Variants in CTNNA3 observed in about 807,000 individuals in gnomAD.
CTNNA3 encodes the protein catenin alpha-3.
A neutral mutation model predicts 95.7 loss-of-function variants in CTNNA3; 76 were observed. The ratio of observed to expected loss-of-function variants is 0.79; its 90% CI spans 0.66 to 0.96. CTNNA3 has a LOEUF of 0.96. CTNNA3 is among the 40% of genes least tolerant of loss of function. The pLI, the probability that CTNNA3 is intolerant of heterozygous loss-of-function variation, is 0.00. For missense variants in CTNNA3, 1,191 were observed against 1,089.8 expected (o/e 1.09, Z -1.31); for synonymous variants, 431 against 374.4 (o/e 1.15, Z -1.74).
At chr10:67,385,584 T>A (rs763486834) in intron 5 of CTNNA3, among the ~76,000 whole-genome samples, 1 of 152,192 alleles carries the variant, frequency 6.6e-6, no homozygotes, top group Non-Finnish European at 1.5e-5. Flanking sequence ...TCTATATGTG[T>A]ATAGTTAAAA....
chr10:66,377,571 G>A (rs1485171742), intron 12 of CTNNA3, among the ~76,000 whole-genome samples: 2 of 151,746 alleles, frequency 1.3e-5, no homozygotes, highest in Non-Finnish European at 2.9e-5. Context: ...AGACTAACAC[G>A]ATTATAAAAC....
In CTNNA3 at chr10:67,114,117, G is replaced by GA. The variant is rs996851448; in HGVS notation, c.1047+66199dup. On this transcript the variant is annotated intron_variant, in intron 7 of 17. Coordinates refer to ENST00000433211, the MANE Select transcript of CTNNA3 (RefSeq NM_013266.4). ...AAAACAGATATTAGATGCAAGAAAA[G>GA]AAAAAAAATTAATGTATATCAAAAT... 1.5e-4 allele frequency among the ~76,000 whole-genome samples: 22 copies of GA among 151,250 alleles called. No homozygotes were observed. The South Asian group carries it at 4.0e-3, about 27-fold the overall frequency.
intron 15 of CTNNA3, among the ~76,000 whole-genome samples, chr10:66,011,682 C>G (rs1343765195): frequency 6.6e-6 from 1 of 152,068 alleles, no homozygotes; most frequent in Non-Finnish European, 1.5e-5. Flanking sequence ...CCTGGCACTT[C>G]TAATTCTTGT....
At chr10:67,392,921 C>A (rs1844561854) in intron 5 of CTNNA3, among the ~76,000 whole-genome samples, 1 of 151,938 alleles carries the variant, frequency 6.6e-6, no homozygotes, top group Non-Finnish European at 1.5e-5. Flanking sequence ...TGGGGGGAAG[C>A]AGGAGGGATA....
At chr10:66,448,915 C>G (rs909625947) in intron 11 of CTNNA3, among the ~76,000 whole-genome samples, 2 of 151,518 alleles carry the variant, frequency 1.3e-5, no homozygotes, top group Non-Finnish European at 2.9e-5. Context: ...TTTTATATTC[C>G]TCATATTTGG....
rs531675393 is a variant in CTNNA3, at chr10:66,456,150, A to T, written c.1531+64467T>A. ...TAGATTTATTGAAATTCCAAACAAA[A>T]TCCCAGCAGAACTTTATAGATATAG... On this transcript the variant is annotated intron_variant, in intron 11 of 17. Transcript: ENST00000433211. Among the ~76,000 whole-genome samples, 514 of 152,296 alleles carry T rather than the reference A, an allele frequency of 3.4e-3. 1 individual carries two copies. Among genetic ancestry groups the T allele is most frequent in the African/African-American group, 1.0e-2 (415 of 41,570 alleles).
intron 17 of CTNNA3, among the ~76,000 whole-genome samples, chr10:65,949,828 G>A (rs1786921): frequency 0.75 from 114,236 of 151,848 alleles, 43,422 homozygotes; most frequent in Middle Eastern, 0.88. Context: ...TTATCCAGAA[G>A]AAGGAGCAGC....
chr10:67,343,573 G>T (rs1842298882), intron 5 of CTNNA3, among the ~76,000 whole-genome samples: 1 of 152,078 alleles, frequency 6.6e-6, no homozygotes, highest in Admixed American at 6.6e-5. Context: ...TTGGCATATA[G>T]AAATGCTACT....
intron 1 of CTNNA3, among the ~76,000 whole-genome samples, chr10:67,663,489 A>T (rs992913077): frequency 6.6e-6 from 1 of 152,026 alleles, no homozygotes; most frequent in African/African-American, 2.4e-5. Context: ...GCTGAGCCTC[A>T]GGTGGGTCTC....
chr10:66,092,814 A>G (rs891041722), intron 14 of CTNNA3, among the ~76,000 whole-genome samples: 2 of 151,982 alleles, frequency 1.3e-5, no homozygotes, highest in East Asian at 3.8e-4. Flanking sequence ...AATTGTTGCA[A>G]AAATATACTT....
At chr10:66,256,246 G>A (rs10159485) in intron 13 of CTNNA3, among the ~76,000 whole-genome samples, 67,948 of 151,988 alleles carry the variant, frequency 0.45, 16,339 homozygotes, top group African/African-American at 0.63. Flanking sequence ...GCAAAAATAT[G>A]CAAATTTAGA....
At chr10:67,150,654 C>A (rs1404942103) in intron 7 of CTNNA3, among the ~76,000 whole-genome samples, 1 of 152,160 alleles carries the variant, frequency 6.6e-6, no homozygotes, top group Non-Finnish European at 1.5e-5. Flanking sequence ...TCTTCAACAG[C>A]TGTAAGAACA....
At chr10:67,442,089 T>C (rs1230631539) in intron 5 of CTNNA3, among the ~76,000 whole-genome samples, 1 of 152,164 alleles carries the variant, frequency 6.6e-6, no homozygotes, top group Non-Finnish European at 1.5e-5. Flanking sequence ...AGTTAAAGTG[T>C]AGAGTTTTTA....
At chr10:67,433,398 TA>T (rs1846183003) in intron 5 of CTNNA3, among the ~76,000 whole-genome samples, 1 of 152,052 alleles carries the variant, frequency 6.6e-6, no homozygotes, top group South Asian at 2.1e-4. Context: ...AATGTAATAA[TA>T]ATGAAAAATT....
intron 5 of CTNNA3, among the ~76,000 whole-genome samples, chr10:67,307,462 A>T (rs1564553161): frequency 6.6e-6 from 1 of 151,904 alleles, no homozygotes; most frequent in Non-Finnish European, 1.5e-5. Context: ...GCTACTGATT[A>T]ATTGTTTGTT....
chr10:65,951,621 C>CT (rs1168321784), intron 17 of CTNNA3, among the ~76,000 whole-genome samples: 3 of 152,112 alleles, frequency 2.0e-5, no homozygotes, highest in Admixed American at 6.6e-5. Flanking sequence ...ATACCACCCA[C>CT]TCCTCTCCTA....
intron 5 of CTNNA3, among the ~76,000 whole-genome samples, chr10:67,347,076 T>A (rs1842448699): frequency 6.6e-6 from 1 of 151,970 alleles, no homozygotes; most frequent in Admixed American, 6.6e-5. Flanking sequence ...TTTTTTTTTT[T>A]TTTGAGACAG....
At chr10:67,231,628 C>T (rs1025748942) in intron 5 of CTNNA3, among the ~76,000 whole-genome samples, 2 of 152,032 alleles carry the variant, frequency 1.3e-5, no homozygotes, top group African/African-American at 4.8e-5. Flanking sequence ...CTCTCCTCCT[C>T]CAAAGGAACA....
chr10:66,952,085 A>T (rs2132725127), intron 7 of CTNNA3, among the ~76,000 whole-genome samples: 1 of 152,304 alleles, frequency 6.6e-6, no homozygotes, highest in South Asian at 2.1e-4. Context: ...ATTTTCCAGC[A>T]TGCTGGGTCC....
Sources: allele counts gnomAD v4.1 joint callset (sites outside exome capture counted in the v4.1 genomes callset), GRCh38; gene constraint gnomAD v4.1.1; transcripts MANE v1.5; gene names NCBI Gene and HGNC (gene_info 2026-07-23, HGNC 2026-07-21).